The following OPCML variants were observed in gnomAD, a reference collection of about 807,000 sequenced individuals.
The protein encoded by OPCML is opioid binding protein/cell adhesion molecule like.
OPCML carries 13 observed loss-of-function variants against 37.8 expected under a neutral mutation model. The observed-to-expected ratio is 0.34, with a 90% CI of 0.22 to 0.55. The LOEUF (loss-of-function observed/expected upper bound fraction) is 0.55, where lower values mean the gene tolerates loss of function less well. Ranked by LOEUF, OPCML falls within the 20% of genes least tolerant of loss-of-function variation. The probability of loss-of-function intolerance (pLI) is 0.91; values close to 1 mark genes in which losing one functional copy is unlikely to be tolerated. For missense variants in OPCML, 341 were observed against 435.6 expected, an observed-to-expected ratio of 0.78 and a Z score of 1.93; for synonymous variants, 176 against 168.8, an observed-to-expected ratio of 1.04 and a Z score of -0.33.
chr11:133,004,849 C>A (rs944745650), intron 1 of OPCML: 2 of 985,442 alleles, frequency 2.0e-6, no homozygotes, highest in Middle Eastern at 5.2e-4. Flanking sequence ...CAAACACCAT[C>A]CCCAAGACAG....
intron 1 of OPCML, among the ~76,000 whole-genome samples, chr11:133,376,648 A>T (rs1320385640): frequency 6.6e-6 from 1 of 152,200 alleles, no homozygotes; most frequent in African/African-American, 2.4e-5. Flanking sequence ...TGCAAGCAAG[A>T]TTATATATGA....
chr11:133,271,591 T>C (rs1425569280), intron 1 of OPCML, among the ~76,000 whole-genome samples: 1 of 152,198 alleles, frequency 6.6e-6, no homozygotes. Flanking sequence ...ACTGAACACA[T>C]ACAACACTAA....
chr11:132,670,771 G>C (rs746644920), intron 2 of OPCML, among the ~76,000 whole-genome samples: 4 of 152,080 alleles, frequency 2.6e-5, no homozygotes, highest in Non-Finnish European at 2.9e-5. Flanking sequence ...CTGGAGCATA[G>C]TGAATAGTCA....
Position 133,170,882 on chromosome 11 carries a change from A to G in OPCML, c.62-227872T>C, listed in dbSNP as rs148989797. Reference sequence around the variant, plus strand: ...CAAAAGCACAATTAGCCAGCTCCTCATGAGCAAAGAAGTGGTCAGTAAGGA... The same window carrying G: ...CAAAAGCACAATTAGCCAGCTCCTCGTGAGCAAAGAAGTGGTCAGTAAGGA... On this transcript the variant is annotated intron_variant, in intron 1 of 7. Coordinates refer to ENST00000524381, the MANE Select transcript of OPCML (RefSeq NM_001012393.5). Among the ~76,000 whole-genome samples the G allele has an allele frequency of 3.0e-4, 45 of 152,332 alleles. 1 individual carries two copies. The highest frequency in any genetic ancestry group is 8.7e-4 in the African/African-American group (36 of 41,580).
intron 1 of OPCML, chr11:133,026,082 G>A: frequency 1.0e-6 from 1 of 985,188 alleles, no homozygotes; most frequent in Non-Finnish European, 1.2e-6. Context: ...ATGACTTGAT[G>A]AGAAGTTTGG....
chr11:132,706,122 T>C (rs1400581809), intron 2 of OPCML, among the ~76,000 whole-genome samples: 2 of 152,142 alleles, frequency 1.3e-5, no homozygotes, highest in Non-Finnish European at 2.9e-5. Flanking sequence ...TATTTATTTA[T>C]AGAATGCAGG....
At chr11:132,576,052 A>G (rs763931984) in intron 3 of OPCML, among the ~76,000 whole-genome samples, 3 of 151,878 alleles carry the variant, frequency 2.0e-5, no homozygotes, top group Non-Finnish European at 4.4e-5. Context: ...CTTGTATGTA[A>G]CCAGTTGTTT....
intron 4 of OPCML, among the ~76,000 whole-genome samples, chr11:132,510,013 C>G (rs540394247): frequency 7.0e-4 from 106 of 152,314 alleles, no homozygotes; most frequent in Non-Finnish European, 1.2e-3. Flanking sequence ...GGAAGCTGTA[C>G]CCTGTAAACC....
intron 4 of OPCML, among the ~76,000 whole-genome samples, chr11:132,525,137 A>G (rs1349157682): frequency 6.6e-6 from 1 of 152,126 alleles, no homozygotes; most frequent in Non-Finnish European, 1.5e-5. Context: ...CCTTCATTAT[A>G]TCTGTCTACT....
At chr11:132,432,904 C>T (rs74742153) in intron 7 of OPCML, among the ~76,000 whole-genome samples, 354 of 152,310 alleles carry the variant, frequency 2.3e-3, no homozygotes, top group African/African-American at 8.0e-3. Context: ...TGGCTTGTAA[C>T]GGGTCCTAAA....
chr11:133,043,088 T>G (rs114853886), intron 1 of OPCML, among the ~76,000 whole-genome samples: 1 of 152,100 alleles, frequency 6.6e-6, no homozygotes, highest in African/African-American at 2.4e-5. Flanking sequence ...CTTGGACCCC[T>G]GGGCAGCCAG....
chr11:133,229,477 C>T (rs923748720), intron 1 of OPCML, among the ~76,000 whole-genome samples: 1 of 151,972 alleles, frequency 6.6e-6, no homozygotes, highest in African/African-American at 2.4e-5. Context: ...TTTTCCTTTT[C>T]CTGCTAAGAT....
intron 4 of OPCML, among the ~76,000 whole-genome samples, chr11:132,472,658 T>G (rs1262657329): frequency 1.3e-5 from 2 of 152,208 alleles, no homozygotes; most frequent in Non-Finnish European, 1.5e-5. Context: ...GGGCTTCAGA[T>G]AAATGGAATA....
At position 133,109,225 on chromosome 11, in the gene OPCML, G is replaced by A. The variant is rs142252039; in HGVS notation, c.62-166215C>T. On this transcript the variant is annotated intron_variant, in intron 1 of 7. Transcript: ENST00000524381. ...AACAATGAAGCCACGGAACTTTGCCGTGGGTGTTACAGCTCTTAAATATGG... is the reference window on the plus strand; with the variant it reads ...AACAATGAAGCCACGGAACTTTGCCATGGGTGTTACAGCTCTTAAATATGG... Among the ~76,000 whole-genome samples the A allele has an allele frequency of 2.3e-3, 346 of 152,244 alleles. 1 individual carries two copies. The highest frequency in any genetic ancestry group is 8.1e-3 in the African/African-American group (335 of 41,552).
At chr11:133,006,256 G>T in intron 1 of OPCML, 1 of 531,818 alleles carries the variant, frequency 1.9e-6, no homozygotes, top group Non-Finnish European at 2.4e-6. Flanking sequence ...CTGCCAGTGG[G>T]AAGTGTTCTA....
intron 3 of OPCML, among the ~76,000 whole-genome samples, chr11:132,592,357 A>G (rs977423325): frequency 2.0e-5 from 3 of 152,210 alleles, no homozygotes; most frequent in Admixed American, 1.3e-4. Context: ...GGAAAAATTA[A>G]AAACCCAACC....
intron 1 of OPCML, among the ~76,000 whole-genome samples, chr11:133,378,865 A>G (rs182011363): frequency 3.9e-5 from 6 of 152,050 alleles, no homozygotes; most frequent in African/African-American, 1.4e-4. Flanking sequence ...CCTCCTGAAT[A>G]TGAGCAGCTA....
intron 1 of OPCML, among the ~76,000 whole-genome samples, chr11:133,009,895 G>A (rs915185593): frequency 2.6e-5 from 4 of 152,252 alleles, no homozygotes; most frequent in Non-Finnish European, 5.9e-5. Flanking sequence ...GGGACCCCTG[G>A]GATATCTACT....
intron 4 of OPCML, among the ~76,000 whole-genome samples, chr11:132,442,867 T>A (rs1200738163): frequency 6.6e-6 from 1 of 152,198 alleles, no homozygotes; most frequent in Non-Finnish European, 1.5e-5. Context: ...TAAACCTCTT[T>A]GCTTTATAAA....
Sources: allele counts gnomAD v4.1 joint callset (sites outside exome capture counted in the v4.1 genomes callset), GRCh38; gene constraint gnomAD v4.1.1; transcripts MANE v1.5; gene names NCBI Gene and HGNC (gene_info 2026-07-23, HGNC 2026-07-21).